TRPM2: variants seen among roughly 807,000 people sequenced by gnomAD.
The protein encoded by TRPM2 is transient receptor potential cation channel subfamily M member 2.
In TRPM2, 161 loss-of-function variants were observed where a neutral mutation model predicts 174.0. The observed-to-expected ratio is 0.93, with a 90% CI of 0.81 to 1.05. The LOEUF is 1.05. TRPM2 is among the 50% of genes least tolerant of loss of function. TRPM2 has a pLI of 0.00. For synonymous variants in TRPM2, 954 were observed against 861.3 expected, an observed-to-expected ratio of 1.11 and a Z score of -1.88; for missense variants, 2,057 against 2,038.0, an observed-to-expected ratio of 1.01 and a Z score of -0.18.
At chr21:44,369,388 G>A (rs1486376178) in intron 5 of TRPM2, 45 bp downstream of exon 5, 3 of 1,571,972 alleles carry the variant, frequency 1.9e-6, no homozygotes, top group Non-Finnish European at 2.6e-6. Flanking sequence ...CCAGGGGTGT[G>A]GGTGAGGTCT....
At chr21:44,419,138 A>C (rs1047027965) in intron 22 of TRPM2, among the ~76,000 whole-genome samples, 3 of 152,158 alleles carry the variant, frequency 2.0e-5, no homozygotes, top group African/African-American at 7.2e-5. Context: ...GGCAGCAGGA[A>C]GGGCTGCCCC....
At chr21:44,385,454 G>T (rs1298173427) in intron 9 of TRPM2, among the ~76,000 whole-genome samples, 1 of 152,100 alleles carries the variant, frequency 6.6e-6, no homozygotes, top group African/African-American at 2.4e-5. Flanking sequence ...AAGAACAAAT[G>T]AAATCTTTTC....
At chr21:44,420,863 G>A (rs949092089) in intron 22 of TRPM2, among the ~76,000 whole-genome samples, 1 of 152,210 alleles carries the variant, frequency 6.6e-6, no homozygotes, top group Non-Finnish European at 1.5e-5. Flanking sequence ...CCCTTTTGCA[G>A]AGGGAGGTAT....
chr21:44,425,359 T>C (rs1397186345), intron 24 of TRPM2: 6 of 404,854 alleles, frequency 1.5e-5, no homozygotes, highest in Non-Finnish European at 2.6e-5. Flanking sequence ...GCTGCTGAGT[T>C]TCGCCGGCCC....
At chr21:44,374,019 T>C (rs961118717) in intron 5 of TRPM2, among the ~76,000 whole-genome samples, 1 of 152,056 alleles carries the variant, frequency 6.6e-6, no homozygotes, top group African/African-American at 2.4e-5. Context: ...CTCTCTCTTT[T>C]TTTTTTTTTG....
intron 8 of TRPM2, among the ~76,000 whole-genome samples, chr21:44,379,602 G>T (rs1028525713): frequency 6.6e-6 from 1 of 152,258 alleles, no homozygotes; most frequent in African/African-American, 2.4e-5. Flanking sequence ...AGCCTCATAG[G>T]TGAGTTAATG....
intron 22 of TRPM2, among the ~76,000 whole-genome samples, chr21:44,419,772 G>A (rs1414561708): frequency 6.7e-6 from 1 of 148,326 alleles, no homozygotes; most frequent in African/African-American, 2.5e-5. Context: ...TGGTGGTGGT[G>A]GTGGTGATGG....
upstream of TRPM2, among the ~76,000 whole-genome samples, chr21:44,351,972 G>A (rs1029426168): frequency 2.6e-5 from 4 of 152,204 alleles, no homozygotes; most frequent in Non-Finnish European, 4.4e-5. Flanking sequence ...GGACCCTCCC[G>A]TCTGATGCTG....
chr21:44,362,198 TTTC>T (rs2048228002), intron 2 of TRPM2, among the ~76,000 whole-genome samples: 1 of 152,110 alleles, frequency 6.6e-6, no homozygotes, highest in Non-Finnish European at 1.5e-5. Flanking sequence ...GCTTGAAATA[TTTC>T]TTCTACATAT....
At position 44,406,694 on chromosome 21, in the gene TRPM2, A is replaced by G. The variant is rs1481877748; in HGVS notation, c.2891A>G (p.Asp964Gly). ...AILIHNERRV[D>G]WLFRGAVYHS... ...CTCATCCACAACGAGCGCCGGGTGG[A>G]CTGGCTGTTCCGAGGGGCCGTCTAC... Residue 964 changes from aspartate to glycine, a missense_variant, in exon 19 of 32, where the codon GAC becomes GGC. Transcript: ENST00000397928. The G allele has an allele frequency of 1.9e-6, 3 of 1,609,696 alleles. No homozygotes were observed. The South Asian group carries it at 3.3e-5, about 18-fold the overall frequency.
At chr21:44,388,382 G>A (rs1167818096) in intron 9 of TRPM2, among the ~76,000 whole-genome samples, 19 of 152,130 alleles carry the variant, frequency 1.2e-4, no homozygotes, top group Non-Finnish European at 2.9e-5. Context: ...AAAGTAGAAT[G>A]GTGGGTGCCA....
chr21:44,416,202 G>A (rs2050273829), intron 20 of TRPM2: 1 of 152,252 alleles, frequency 6.6e-6, no homozygotes, highest in Non-Finnish European at 1.5e-5. Context: ...TGCTACCCAG[G>A]ACTCTGAAAA....
At chr21:44,402,961 CCA>C (rs1383363284) in intron 16 of TRPM2, among the ~76,000 whole-genome samples, 3 of 152,180 alleles carry the variant, frequency 2.0e-5, no homozygotes, top group Non-Finnish European at 4.4e-5. Context: ...TGTGTAAATA[CCA>C]CTGCCTACTG....
At position 44,369,235 on chromosome 21, in the gene TRPM2, G is replaced by C. The variant is rs751811340; in HGVS notation, c.663G>C (p.Ala221=). 2 of 1,613,660 alleles carry C rather than the reference G, an allele frequency of 1.2e-6. No individual in the cohort carries two copies. Among genetic ancestry groups the C allele is most frequent in the Non-Finnish European group, 1.7e-6 (2 of 1,179,900 alleles). ...HTGVMKQVGE[A]VRDFSLSSSY... is the part of the protein sequence containing the mutation. Reference sequence around the variant, plus strand: ...GCGTCATGAAGCAGGTAGGCGAGGCGGTGCGGGACTTCAGCCTGAGCAGCA... The same window carrying C: ...GCGTCATGAAGCAGGTAGGCGAGGCCGTGCGGGACTTCAGCCTGAGCAGCA... Residue 221 remains alanine, a synonymous_variant, in exon 5 of 32, where the codon GCG becomes GCC. Coordinates refer to ENST00000397928, the MANE Select transcript of TRPM2 (RefSeq NM_003307.4).
intron 20 of TRPM2, among the ~76,000 whole-genome samples, chr21:44,417,109 G>C (rs1186256910): frequency 8.2e-6 from 1 of 121,412 alleles, no homozygotes; most frequent in Non-Finnish European, 1.7e-5. Context: ...CATCACAGTG[G>C]GCATGTGGGC....
intron 22 of TRPM2, among the ~76,000 whole-genome samples, chr21:44,419,856 G>C (rs1162147064): frequency 6.7e-6 from 1 of 149,456 alleles, no homozygotes; most frequent in Non-Finnish European, 1.5e-5. Flanking sequence ...TTCTGATGGT[G>C]GTAATGGTGG....
At chr21:44,418,599 G>A (rs772049342) in intron 22 of TRPM2, 44 bp downstream of exon 22, 5 of 1,609,552 alleles carry the variant, frequency 3.1e-6, no homozygotes, top group South Asian at 1.1e-5. Flanking sequence ...GCCTCTGGGG[G>A]ACCTCCTGCA....
chr21:44,370,532 C>A (rs1265374986), intron 5 of TRPM2, among the ~76,000 whole-genome samples: 2 of 152,194 alleles, frequency 1.3e-5, no homozygotes, highest in Admixed American at 1.3e-4. Flanking sequence ...GTCAGGAAAG[C>A]CCAGGGAACA....
chr21:44,384,065 A>C (rs2048954871), intron 9 of TRPM2, among the ~76,000 whole-genome samples: 1 of 152,166 alleles, frequency 6.6e-6, no homozygotes, highest in African/African-American at 2.4e-5. Context: ...TAAAGTGAAA[A>C]ATTGGTTATT....
Sources: gnomAD v4.1 joint callset for allele counts (sites outside exome capture counted in the v4.1 genomes callset) on GRCh38, gnomAD v4.1.1 for gene constraint, MANE v1.5 for transcripts, NCBI Gene and HGNC (gene_info 2026-07-23, HGNC 2026-07-21) for gene names.